CATSPERT: variants seen among roughly 807,000 people sequenced by gnomAD.
CATSPERT encodes cation channel sperm-associated targeting subunit tau.
the CATSPERT span, among the ~76,000 whole-genome samples, chr2:201,504,507 C>T: frequency 2.0e-5 from 3 of 152,188 alleles, no homozygotes; most frequent in Admixed American, 6.5e-5. Context: ...TCCCTGCTTT[C>T]GCACCACTTC....
the CATSPERT span, among the ~76,000 whole-genome samples, chr2:201,543,897 T>C: frequency 6.6e-6 from 1 of 152,168 alleles, no homozygotes; most frequent in Non-Finnish European, 1.5e-5. Context: ...CTAGGGTACA[T>C]GTGCACAACA....
At chr2:201,571,765 T>G in the CATSPERT span, among the ~76,000 whole-genome samples, 1 of 152,118 alleles carries the variant, frequency 6.6e-6, no homozygotes, top group African/African-American at 2.4e-5. Flanking sequence ...ATTCAAAATT[T>G]CTCCCTGTTA....
the CATSPERT span, among the ~76,000 whole-genome samples, chr2:201,594,512 C>T: frequency 6.6e-5 from 10 of 152,238 alleles, no homozygotes; most frequent in East Asian, 1.7e-3. Flanking sequence ...TTTCCTGAAT[C>T]TGAATGTTGG....
the CATSPERT span, among the ~76,000 whole-genome samples, chr2:201,489,771 C>G: frequency 3.9e-3 from 589 of 152,112 alleles, 11 homozygotes; most frequent in African/African-American, 0.014. Flanking sequence ...ACCAGTGATT[C>G]AGAAAATTAA....
chr2:201,535,896 G>C, the CATSPERT span: 1 of 1,532,214 alleles, frequency 6.5e-7, no homozygotes, highest in Non-Finnish European at 8.7e-7. Flanking sequence ...TTTTAATCTG[G>C]TGGAAACTAA....
chr2:201,553,109 T>C, the CATSPERT span: 1 of 152,182 alleles, frequency 6.6e-6, no homozygotes, highest in Non-Finnish European at 1.5e-5. Context: ...TAATTTATCA[T>C]ATCACATGTT....
the CATSPERT span, among the ~76,000 whole-genome samples, chr2:201,543,359 AG>A: frequency 6.6e-6 from 1 of 152,200 alleles, no homozygotes; most frequent in Non-Finnish European, 1.5e-5. Flanking sequence ...CATAAATTTT[AG>A]GATTGCTTTT....
chr2:201,539,564 T>TG, the CATSPERT span, among the ~76,000 whole-genome samples: 240 of 150,906 alleles, frequency 1.6e-3, 1 homozygote, highest in Non-Finnish European at 2.5e-3. Flanking sequence ...GAGGTTGTTT[T>TG]TTTTTTGTTT....
the CATSPERT span, among the ~76,000 whole-genome samples, chr2:201,589,812 A>G: frequency 6.6e-6 from 1 of 152,136 alleles, no homozygotes; most frequent in Non-Finnish European, 1.5e-5. Context: ...CAACAGAGTA[A>G]ACAGACAACC....
At chr2:201,540,423 G>T in the CATSPERT span, among the ~76,000 whole-genome samples, 8 of 152,338 alleles carry the variant, frequency 5.3e-5, no homozygotes, top group Non-Finnish European at 1.0e-4. Context: ...CAACTCTCTT[G>T]TTAGAGGCTA....
the CATSPERT span, chr2:201,619,017 C>T: frequency 7.3e-5 from 118 of 1,614,110 alleles, no homozygotes; most frequent in East Asian, 2.6e-3. Flanking sequence ...GCATGATATC[C>T]GGGCTGCTGT....
At chr2:201,587,040 G>T in the CATSPERT span, among the ~76,000 whole-genome samples, 117 of 151,882 alleles carry the variant, frequency 7.7e-4, no homozygotes, top group Non-Finnish European at 1.4e-3. Context: ...AGTGGTTGCT[G>T]TAGGGATTAT....
chr2:201,533,969 G>A, the CATSPERT span, among the ~76,000 whole-genome samples: 205 of 152,130 alleles, frequency 1.3e-3, 4 homozygotes, highest in East Asian at 0.037. Context: ...CATAGAAAGA[G>A]CACAAGTAGA....
the CATSPERT span, among the ~76,000 whole-genome samples, chr2:201,509,224 G>T: frequency 6.6e-6 from 1 of 150,728 alleles, no homozygotes; most frequent in Non-Finnish European, 1.5e-5. Context: ...CTGTGGTTTT[G>T]ATTGGCATTT....
At chr2:201,537,344 CT>C in the CATSPERT span, 1 of 1,115,068 alleles carries the variant, frequency 9.0e-7, no homozygotes, top group Non-Finnish European at 1.3e-6. Context: ...TCTTGGATGC[CT>C]TTCTCTATCT....
the CATSPERT span, among the ~76,000 whole-genome samples, chr2:201,598,595 CTTT>C: frequency 6.8e-6 from 1 of 146,404 alleles, no homozygotes; most frequent in South Asian, 2.2e-4. Flanking sequence ...GCTCCAACCA[CTTT>C]TTTTTTTTGG....
the CATSPERT span, chr2:201,491,496 T>C: frequency 2.6e-6 from 4 of 1,536,534 alleles, no homozygotes; most frequent in Non-Finnish European, 3.5e-6. Flanking sequence ...TTTTGTATTG[T>C]GCAAATGTTA....
chr2:201,544,914 T>C, the CATSPERT span, among the ~76,000 whole-genome samples: 3 of 151,722 alleles, frequency 2.0e-5, no homozygotes, highest in African/African-American at 7.3e-5. Context: ...GGAAGACTGA[T>C]TGAACCCAGG....
At chr2:201,541,144 T>G in the CATSPERT span, among the ~76,000 whole-genome samples, 6 of 152,182 alleles carry the variant, frequency 3.9e-5, no homozygotes, top group African/African-American at 1.4e-4. Context: ...TTGCTTCTTA[T>G]GGATGAGCAA....
Sources: gnomAD v4.1 joint callset for allele counts (sites outside exome capture counted in the v4.1 genomes callset) on GRCh38, gnomAD v4.1.1 for gene constraint, MANE v1.5 for transcripts, NCBI Gene and HGNC (gene_info 2026-07-23, HGNC 2026-07-21) for gene names.